DNAJB1: variants seen among roughly 807,000 people sequenced by gnomAD.
DNAJB1 encodes the protein dnaJ homolog subfamily B member 1.
A neutral mutation model predicts 24.0 loss-of-function variants in DNAJB1; 14 were observed. The observed-to-expected ratio is 0.58, with a 90% CI of 0.39 to 0.91. The LOEUF is 0.91. DNAJB1 is among the 40% of genes least tolerant of loss of function. The pLI is 0.00. For synonymous variants in DNAJB1, 262 were observed against 174.4 expected (o/e 1.50, Z -3.96); for missense variants, 517 against 458.1 (o/e 1.13, Z -1.17).
At chr19:14,527,004 G>A (rs2072436901) in intron 2 of DNAJB1, among the ~76,000 whole-genome samples, 1 of 151,744 alleles carries the variant, frequency 6.6e-6, no homozygotes, top group African/African-American at 2.4e-5. Flanking sequence ...AGGAGTTCCA[G>A]AGCAGCCTGG....
At chr19:14,544,778 G>A (rs2073244718) in intron 1 of DNAJB1, among the ~76,000 whole-genome samples, 1 of 151,956 alleles carries the variant, frequency 6.6e-6, no homozygotes, top group Admixed American at 6.6e-5. Flanking sequence ...GACCACAGGT[G>A]CATGCCATCA....
intron 1 of DNAJB1, among the ~76,000 whole-genome samples, chr19:14,541,430 G>T (rs745498533): frequency 6.6e-6 from 1 of 152,218 alleles, no homozygotes; most frequent in Non-Finnish European, 1.5e-5. Context: ...CACAGGTTGT[G>T]GGCAGGTCCT....
upstream of DNAJB1, chr19:14,529,824 C>G: frequency 2.0e-6 from 3 of 1,495,762 alleles, no homozygotes; most frequent in Non-Finnish European, 2.8e-6. Flanking sequence ...AAGAGCCAGA[C>G]GGCGCAGGCG....
intron 1 of DNAJB1, chr19:14,544,992 T>C (rs561036383): frequency 8.5e-5 from 36 of 424,458 alleles, no homozygotes; most frequent in Admixed American, 6.3e-4. Flanking sequence ...TCCTTTTCAC[T>C]CCTTCCCTTC....
upstream of DNAJB1, among the ~76,000 whole-genome samples, chr19:14,521,825 T>G (rs1430364950): frequency 1.3e-5 from 2 of 152,226 alleles, no homozygotes; most frequent in African/African-American, 4.8e-5. Flanking sequence ...TTTCACCATG[T>G]TGGCCAGGCT....
chr19:14,521,456 A>AAAT (rs111596555), upstream of DNAJB1, among the ~76,000 whole-genome samples: 21,961 of 142,992 alleles, frequency 0.15, 1,767 homozygotes, highest in South Asian at 0.21. Flanking sequence ...GAGAGTTTCA[A>AAAT]AATAATAATA....
chr19:14,521,647 G>GT (rs1194579139), upstream of DNAJB1, among the ~76,000 whole-genome samples: 5 of 151,932 alleles, frequency 3.3e-5, no homozygotes, highest in African/African-American at 9.7e-5. Context: ...TTGAGATGGA[G>GT]TTTCACTCTT....
At chr19:14,524,297 G>A (rs981664289) in intron 2 of DNAJB1, among the ~76,000 whole-genome samples, 3 of 152,126 alleles carry the variant, frequency 2.0e-5, no homozygotes, top group African/African-American at 7.2e-5. Context: ...TGGAGGCCAA[G>A]GCAGGAGGAT....
intron 1 of DNAJB1, among the ~76,000 whole-genome samples, chr19:14,556,419 C>CAAAAACAA (rs1400822860): frequency 1.3e-5 from 2 of 150,638 alleles, no homozygotes; most frequent in Non-Finnish European, 1.5e-5. Flanking sequence ...AAAAAAAAAA[C>CAAAAACAA]AAAAACAAAA....
intron 1 of DNAJB1, among the ~76,000 whole-genome samples, chr19:14,547,770 T>A (rs2073354509): frequency 6.6e-6 from 1 of 151,766 alleles, no homozygotes; most frequent in Non-Finnish European, 1.5e-5. Context: ...GTGATACTCT[T>A]GCCTTAGCTT....
intron 1 of DNAJB1, among the ~76,000 whole-genome samples, chr19:14,539,213 C>T (rs1333328290): frequency 1.5e-5 from 2 of 135,792 alleles, no homozygotes; most frequent in African/African-American, 5.6e-5. Context: ...CCAGGATGGT[C>T]TCGATCTCCT....
Position 14,516,610 on chromosome 19 carries a change from G to C in DNAJB1, c.648C>G (p.Thr216=). The C allele has an allele frequency of 6.2e-7, 1 of 1,614,150 alleles. No individual in the cohort carries two copies. Among genetic ancestry groups the C allele is most frequent in the Admixed American group, 1.7e-5 (1 of 60,016 alleles). The part of the protein sequence containing the change: ...IEVKKGWKEG[T]KITFPKEGDQ... Reference sequence around the variant, plus strand: ...CTCCTTCCTTGGGGAAAGTGATTTTGGTTCCTTCTTTCCACCCCTTCTTCA... The same window carrying C: ...CTCCTTCCTTGGGGAAAGTGATTTTCGTTCCTTCTTTCCACCCCTTCTTCA... The change falls in exon 2 of 3, where the codon ACC becomes ACG. Residue 216 remains threonine (T), a synonymous_variant. Transcript: ENST00000254322.
intron 2 of DNAJB1, among the ~76,000 whole-genome samples, chr19:14,527,123 G>C (rs1368122014): frequency 7.1e-6 from 1 of 140,182 alleles, no homozygotes; most frequent in Non-Finnish European, 1.5e-5. Flanking sequence ...TCATGACACA[G>C]AAGGCCTCAA....
At chr19:14,559,154 C>T (rs557568312) in intron 1 of DNAJB1, among the ~76,000 whole-genome samples, 8 of 152,244 alleles carry the variant, frequency 5.3e-5, no homozygotes, top group South Asian at 4.1e-4. Context: ...CTGTTTGTTA[C>T]CCCTCACCCC....
At chr19:14,532,532 AAAAG>A (rs1207484543), upstream of DNAJB1, 1 of 151,530 alleles carries the variant, frequency 6.6e-6, no homozygotes, top group Non-Finnish European at 1.5e-5. Flanking sequence ...AAAAAAAAAA[AAAAG>A]GGAAGCTTCA....
chr19:14,547,792 T>C (rs1254887745), intron 1 of DNAJB1, among the ~76,000 whole-genome samples: 2 of 151,760 alleles, frequency 1.3e-5, no homozygotes, highest in African/African-American at 4.8e-5. Flanking sequence ...CTGATTATGC[T>C]AGGACTACAG....
In DNAJB1 at chr19:14,537,244, G is replaced by A. The variant is rs569156862; in HGVS notation, c.-213-9434C>T. On this transcript the variant is annotated intron_variant, in intron 1 of 3. Transcript: ENST00000676982. ...GAGGCGGGGCAAGAAGGAAGCGGCG[G>A]GCCTGGATGGGGGAGGCGGGACCAG... Among the ~76,000 whole-genome samples, 5 of 136,252 alleles carry A rather than the reference G, an allele frequency of 3.7e-5. No individual in the cohort carries two copies. In the South Asian group the frequency reaches 1.3e-3, roughly 35 times the overall value. The allele number at this position is 136,252 out of a possible 152,430, so 89.4% of individuals were successfully genotyped here. A position where few individuals can be genotyped will look rare whatever the true frequency, so the allele number is the denominator to read the frequency against.
rs779339235 is a variant in DNAJB1 at position 14,518,254 on chromosome 19, G to A, written c.96C>T (p.His32=). 1.2e-6 allele frequency: 2 copies of A among 1,608,274 alleles called. No individual in the cohort carries two copies. The highest frequency in any genetic ancestry group is 1.7e-6 in the Non-Finnish European group (2 of 1,177,956). ...RAYRRQALRY[H]PDKNKEPGAE... ...CGCCGGGCTCCTTGTTCTTGTCCGG[G>A]TGGTAGCGCAGCGCCTGGCGGCGGT... The change falls in exon 1 of 3, where the codon CAC becomes CAT. Residue 32 remains histidine, a synonymous_variant. Transcript: ENST00000254322.
upstream of DNAJB1, among the ~76,000 whole-genome samples, chr19:14,518,798 C>G (rs905447708): frequency 2.0e-5 from 3 of 152,240 alleles, no homozygotes; most frequent in Non-Finnish European, 2.9e-5. Context: ...ACTACCCAGT[C>G]CTTTCCCCGG....
Sources: gnomAD v4.1 joint callset for allele counts (sites outside exome capture counted in the v4.1 genomes callset) on GRCh38, gnomAD v4.1.1 for gene constraint, MANE v1.5 for transcripts, NCBI Gene and HGNC (gene_info 2026-07-23, HGNC 2026-07-21) for gene names.